The following SDK1 variants were observed in gnomAD, a reference collection of about 807,000 sequenced individuals.
SDK1 encodes the protein protein sidekick-1.
SDK1 carries 157 observed loss-of-function variants against 245.5 expected under a neutral mutation model. The ratio of observed to expected loss-of-function variants is 0.64; its 90% confidence interval spans 0.56 to 0.73. The LOEUF (loss-of-function observed/expected upper bound fraction) is 0.73, where lower values mean the gene tolerates loss of function less well. Ranked by LOEUF, SDK1 falls within the 30% of genes least tolerant of loss-of-function variation. The pLI, the probability that SDK1 is intolerant of heterozygous loss-of-function variation, is 0.00. For synonymous variants in SDK1, 1,647 were observed against 1,278.5 expected, an observed-to-expected ratio of 1.29 and a Z score of -6.15; for missense variants, 3,583 against 3,002.3, an observed-to-expected ratio of 1.19 and a Z score of -4.52.
chr7:4,221,122 C>T, intron 39 of SDK1, 117 bp from the exon 40 acceptor site: 1 of 1,262,244 alleles, frequency 7.9e-7, no homozygotes, highest in Non-Finnish European at 1.1e-6. Context: ...GTTAAGTAAC[C>T]TGCCCAGACA....
intron 4 of SDK1, among the ~76,000 whole-genome samples, chr7:3,757,531 C>G (rs1015684069): frequency 3.3e-5 from 5 of 152,150 alleles, no homozygotes; most frequent in Non-Finnish European, 7.3e-5. Context: ...GTCACCAGGC[C>G]TGACCAGGAA....
At chr7:4,000,432 G>T (rs1440212301) in intron 14 of SDK1, among the ~76,000 whole-genome samples, 3 of 152,168 alleles carry the variant, frequency 2.0e-5, no homozygotes, top group Non-Finnish European at 4.4e-5. Context: ...CTGAGTCCCA[G>T]TGCCTCTCCT....
chr7:3,576,054 GAGGAAAATC>G (rs1325759368), intron 1 of SDK1, among the ~76,000 whole-genome samples: 1 of 152,046 alleles, frequency 6.6e-6, no homozygotes, highest in Non-Finnish European at 1.5e-5. Flanking sequence ...AGGGAAAGAT[GAGGAAAATC>G]ACAAACCTGA....
At chr7:3,822,208 C>T (rs1257544090) in intron 5 of SDK1, among the ~76,000 whole-genome samples, 1 of 152,014 alleles carries the variant, frequency 6.6e-6, no homozygotes, top group African/African-American at 2.4e-5. Context: ...GGAAAATCAC[C>T]CAAAGCAGGA....
chr7:3,939,598 G>A (rs144646142), intron 5 of SDK1, among the ~76,000 whole-genome samples: 42 of 152,280 alleles, frequency 2.8e-4, no homozygotes, highest in Middle Eastern at 3.4e-3. Context: ...GGATCTCCCT[G>A]CTGCCTGCAC....
intron 17 of SDK1, among the ~76,000 whole-genome samples, chr7:4,048,300 C>T (rs756403136): frequency 2.3e-4 from 35 of 152,244 alleles, no homozygotes; most frequent in East Asian, 3.9e-4. Context: ...ATGGTGCAGC[C>T]GGAGGCTTGG....
chr7:3,801,286 T>A (rs1369335547), intron 4 of SDK1, among the ~76,000 whole-genome samples: 1 of 152,248 alleles, frequency 6.6e-6, no homozygotes, highest in Non-Finnish European at 1.5e-5. Context: ...TGAAAACTTT[T>A]CTAATATGTC....
At chr7:4,067,317 A>G (rs1779969361) in intron 19 of SDK1, among the ~76,000 whole-genome samples, 1 of 152,174 alleles carries the variant, frequency 6.6e-6, no homozygotes, top group Admixed American at 6.5e-5. Context: ...GGATTTTCTC[A>G]GGCCACTGCC....
chr7:4,165,191 T>C (rs751997811), intron 32 of SDK1, among the ~76,000 whole-genome samples: 37 of 152,036 alleles, frequency 2.4e-4, no homozygotes, highest in Non-Finnish European at 5.1e-4. Context: ...AAATTCTGTC[T>C]CTACTAAAAA....
chr7:3,387,825 T>C (rs920608243), intron 1 of SDK1, among the ~76,000 whole-genome samples: 1 of 152,212 alleles, frequency 6.6e-6, no homozygotes, highest in Non-Finnish European at 1.5e-5. Flanking sequence ...GTCAGTACCA[T>C]TTTGAACATT....
chr7:3,634,657 A>G (rs1223084916), intron 2 of SDK1, among the ~76,000 whole-genome samples: 2 of 152,234 alleles, frequency 1.3e-5, no homozygotes, highest in Non-Finnish European at 2.9e-5. Context: ...TTTATAAACA[A>G]TAGACTTACA....
rs144997473 is a variant in SDK1 at position 3,828,563 on chromosome 7, A to G, written c.847+6980A>G. The stretch of plus-strand genomic sequence containing the variant: ...TTGAATGTCAATAATAATTGTAACA[A>G]TAACTCAATCCAAGAGAAGGTTTGT... On this transcript the variant is annotated intron_variant, in intron 5 of 44. Transcript: ENST00000404826. Among the ~76,000 whole-genome samples, 652 of 151,900 alleles carry G rather than the reference A, an allele frequency of 4.3e-3. 6 individuals carry two copies. Among genetic ancestry groups the G allele is most frequent in the African/African-American group, 0.015 (608 of 41,532 alleles).
intron 1 of SDK1, among the ~76,000 whole-genome samples, chr7:3,399,664 A>T (rs1173110048): frequency 6.6e-6 from 1 of 152,030 alleles, no homozygotes; most frequent in Admixed American, 6.6e-5. Flanking sequence ...TTGTGTGGGG[A>T]CACTGAAATC....
chr7:3,352,286 C>G (rs966658859), intron 1 of SDK1, among the ~76,000 whole-genome samples: 3 of 151,390 alleles, frequency 2.0e-5, no homozygotes, highest in African/African-American at 7.3e-5. Context: ...TGTCCAAATA[C>G]TTGATACACG....
chr7:3,868,672 A>G (rs756977507), intron 5 of SDK1, among the ~76,000 whole-genome samples: 102 of 152,338 alleles, frequency 6.7e-4, no homozygotes, highest in Non-Finnish European at 1.2e-3. Flanking sequence ...CTAGACTTGC[A>G]TCCCAATTCC....
At chr7:3,543,059 G>A (rs1412993218) in intron 1 of SDK1, among the ~76,000 whole-genome samples, 2 of 152,192 alleles carry the variant, frequency 1.3e-5, no homozygotes, top group East Asian at 3.9e-4. Context: ...TCTGGGACAA[G>A]CTTAGGCATA....
At chr7:4,245,844 C>T (rs943235739) in intron 44 of SDK1, 39 bp downstream of exon 44, 1 of 1,610,884 alleles carries the variant, frequency 6.2e-7, no homozygotes, top group Non-Finnish European at 8.5e-7. Context: ...TGACCATCAG[C>T]CCCTACTTCT....
chr7:3,955,423 G>A (rs546246526), intron 7 of SDK1, among the ~76,000 whole-genome samples: 5 of 152,310 alleles, frequency 3.3e-5, no homozygotes, highest in South Asian at 2.1e-4. Flanking sequence ...CCCACCCAGC[G>A]AATCCAAGAG....
At chr7:4,125,189 T>TGATGGATGGATG (rs139127658) in intron 25 of SDK1, among the ~76,000 whole-genome samples, 1 of 127,702 alleles carries the variant, frequency 7.8e-6, no homozygotes, top group Non-Finnish European at 1.7e-5. Flanking sequence ...GATGGATGGG[T>TGATGGATGGATG]GATGGATGGA....
Sources: allele counts gnomAD v4.1 joint callset (sites outside exome capture counted in the v4.1 genomes callset), GRCh38; gene constraint gnomAD v4.1.1; transcripts MANE v1.5; gene names NCBI Gene and HGNC (gene_info 2026-07-23, HGNC 2026-07-21).